Variants in TBC1D9 observed in about 807,000 individuals in gnomAD.
The protein encoded by TBC1D9 is TBC1 domain family member 9A.
TBC1D9 carries 63 observed loss-of-function variants against 132.0 expected under a neutral mutation model. The observed-to-expected ratio is 0.48, with a 90% CI of 0.39 to 0.59. The LOEUF (loss-of-function observed/expected upper bound fraction) is 0.59, where lower values mean the gene tolerates loss of function less well. TBC1D9 is among the 20% of genes least tolerant of loss of function. The pLI is 0.00. For synonymous variants in TBC1D9, 610 were observed against 609.9 expected, an observed-to-expected ratio of 1.00 and a Z score of 0.00; for missense variants, 1,261 against 1,592.7, an observed-to-expected ratio of 0.79 and a Z score of 3.54.
chr4:140,736,930 C>G lies in TBC1D9; in HGVS notation c.130+18986G>C, dbSNP rs147737654. On this transcript the variant is annotated intron_variant, in intron 1 of 20. Transcript: ENST00000442267. ...GAGTCACTTGTCAGAACTGCATGCT[C>G]TTTATCAGCAGTCTCCAATCTTTTT... is the stretch of plus-strand genomic sequence containing the variant. Among the ~76,000 whole-genome samples, 7 of 152,284 alleles carry G rather than the reference C, an allele frequency of 4.6e-5. No individual in the cohort carries two copies. The East Asian group carries it at 1.4e-3, about 29-fold the overall frequency.
At position 140,669,712 on chromosome 4, in the gene TBC1D9, G is replaced by A. The variant is rs755013894; in HGVS notation, c.1359C>T (p.Gly453=). The change falls in exon 8 of 21, where the codon GGC becomes GGT. Residue 453 remains glycine (G), a synonymous_variant. Coordinates refer to ENST00000442267, the MANE Select transcript of TBC1D9 (RefSeq NM_015130.3). Reference sequence around the variant, plus strand: ...TCTGTGTGGCTGTGGGGACGCTGTTGCCATTTAGGTTAAACTGGCGCTCTC... The same window carrying A: ...TCTGTGTGGCTGTGGGGACGCTGTTACCATTTAGGTTAAACTGGCGCTCTC... ...ADGERQFNLN[G]NSVPTATQTL... 6.8e-6 allele frequency: 11 copies of A among 1,613,850 alleles called. No homozygotes were observed. In the African/African-American group the frequency reaches 1.2e-4, roughly 18 times the overall value.
chr4:140,684,559 GT>G (rs1737752216), intron 3 of TBC1D9, among the ~76,000 whole-genome samples: 1 of 152,014 alleles, frequency 6.6e-6, no homozygotes, highest in African/African-American at 2.4e-5. Flanking sequence ...GAAAATGGCT[GT>G]TTGACATAAT....
rs146300256 is a variant in TBC1D9 at position 140,711,988 on chromosome 4, T to C, written c.131-10374A>G. On this transcript the variant is annotated intron_variant, in intron 1 of 20. Coordinates refer to ENST00000442267, the MANE Select transcript of TBC1D9 (RefSeq NM_015130.3). Reference sequence around the variant, plus strand: ...ATTTATGATGAGAAAACAAAAAATATATAATTACCTCCAACCTTTTATTTT... The same window carrying C: ...ATTTATGATGAGAAAACAAAAAATACATAATTACCTCCAACCTTTTATTTT... 3.3e-4 allele frequency among the ~76,000 whole-genome samples: 50 copies of C among 152,304 alleles called. 1 individual carries two copies. Among genetic ancestry groups the C allele is most frequent in the African/African-American group, 1.2e-3 (49 of 41,576 alleles).
intron 13 of TBC1D9, among the ~76,000 whole-genome samples, chr4:140,653,855 T>C (rs766589052): frequency 2.0e-5 from 3 of 152,210 alleles, no homozygotes; most frequent in Admixed American, 6.5e-5. Context: ...TGTCCTGTGA[T>C]AGGATGTCTG....
intron 15 of TBC1D9, among the ~76,000 whole-genome samples, chr4:140,635,580 T>C (rs756602027): frequency 6.6e-6 from 1 of 152,212 alleles, no homozygotes; most frequent in Non-Finnish European, 1.5e-5. Context: ...ATTGTGAGTA[T>C]GTTATATTTC....
chr4:140,703,725 A>C (rs1738107586), intron 1 of TBC1D9, among the ~76,000 whole-genome samples: 1 of 152,232 alleles, frequency 6.6e-6, no homozygotes, highest in South Asian at 2.1e-4. Context: ...GGAAAAAAAC[A>C]AACAAAAAAC....
At chr4:140,667,354 T>C (rs562589456) in intron 9 of TBC1D9, among the ~76,000 whole-genome samples, 2 of 152,346 alleles carry the variant, frequency 1.3e-5, no homozygotes, top group South Asian at 4.1e-4. Context: ...AGTTTCCTGG[T>C]ACTCGTTTTG....
chr4:140,660,798 G>C (rs1737344621), intron 10 of TBC1D9, among the ~76,000 whole-genome samples: 1 of 152,246 alleles, frequency 6.6e-6, no homozygotes, highest in East Asian at 1.9e-4. Flanking sequence ...TAATGCAGTA[G>C]AGGGAGACTA....
At chr4:140,643,829 C>A in intron 13 of TBC1D9, 1 of 722,506 alleles carries the variant, frequency 1.4e-6, no homozygotes, top group South Asian at 1.6e-5. Flanking sequence ...GGGCCTCCAA[C>A]GGGCCACCTC....
intron 2 of TBC1D9, among the ~76,000 whole-genome samples, chr4:140,688,761 T>C (rs998807687): frequency 6.6e-6 from 1 of 152,176 alleles, no homozygotes; most frequent in African/African-American, 2.4e-5. Flanking sequence ...TGTCGACACA[T>C]TGTGGACAGC....
chr4:140,646,097 G>C (rs1737099752), intron 13 of TBC1D9, among the ~76,000 whole-genome samples: 1 of 152,212 alleles, frequency 6.6e-6, no homozygotes. Flanking sequence ...CGAGGACAGT[G>C]CTGATTCACA....
At chr4:140,640,876 C>CATATATATATATGTGTGTGTGT (rs148362485) in intron 13 of TBC1D9, among the ~76,000 whole-genome samples, 3 of 151,274 alleles carry the variant, frequency 2.0e-5, no homozygotes, top group African/African-American at 7.3e-5. Context: ...CCCCAAGAAG[C>CATATATATATATGTGTGTGTGT]ATATACATAT....
chr4:140,721,377 A>G (rs1738421211), intron 1 of TBC1D9, among the ~76,000 whole-genome samples: 1 of 152,216 alleles, frequency 6.6e-6, no homozygotes, highest in Non-Finnish European at 1.5e-5. Flanking sequence ...ATCCTAAGAC[A>G]TACATGCAAT....
chr4:140,642,224 G>T, intron 13 of TBC1D9: 1 of 729,880 alleles, frequency 1.4e-6, no homozygotes, highest in Non-Finnish European at 2.5e-6. Context: ...TCTCCTTCAG[G>T]AATTCTTCGT....
chr4:140,756,017 A>G lies in TBC1D9; in HGVS notation c.29T>C (p.Leu10Pro). The G allele has an allele frequency of 1.2e-6, 2 of 1,609,408 alleles. No individual in the cohort carries two copies. Among genetic ancestry groups the G allele is most frequent in the Non-Finnish European group, 1.7e-6 (2 of 1,177,592 alleles). MWVNPEEVL[L>P]ANALWITERA... Reference sequence around the variant, plus strand: ...CTCGGTGATCCACAGCGCGTTGGCCAGCAACACCTCCTCCGGGTTCACCCA... The same window carrying G: ...CTCGGTGATCCACAGCGCGTTGGCCGGCAACACCTCCTCCGGGTTCACCCA... The change falls in exon 1 of 21, where the codon CTG (leucine) becomes CCG (proline). Residue 10 changes from leucine (L) to proline (P), a missense_variant. Physicochemically the swap from Leu to Pro is moderately conservative, Grantham distance 98. This residue lies in a region of TBC1D9 where 550 missense variants were observed against 699.0 expected (regional missense o/e 0.79). Transcript: ENST00000442267. This position sits in a 1 kb window ranked among gnomAD's most constrained non-coding sequence, Gnocchi z 5.6.
In TBC1D9 at chr4:140,622,010, C is replaced by G. The variant is rs982085033; in HGVS notation, c.*185G>C. 2.6e-6 allele frequency: 2 copies of G among 774,928 alleles called. No homozygotes were observed. The highest frequency in any genetic ancestry group is 3.5e-5 in the African/African-American group (2 of 57,302). The allele number at this position is 774,928 out of a possible 1,614,324, so 48.0% of individuals were successfully genotyped here. A position where few individuals can be genotyped will look rare whatever the true frequency, so the allele number is the denominator to read the frequency against. ...TCCCCGCAACAAGAGTGTAATGTAC[C>G]TACATTGAGGTGTTTAAATATTTCT... On this transcript the variant is annotated 3_prime_UTR_variant, in exon 21 of 21. Coordinates refer to ENST00000442267, the MANE Select transcript of TBC1D9 (RefSeq NM_015130.3).
chr4:140,698,290 T>C (rs931853784), intron 2 of TBC1D9, among the ~76,000 whole-genome samples: 3 of 152,090 alleles, frequency 2.0e-5, no homozygotes, highest in Admixed American at 2.0e-4. Context: ...TCCTCTTCCT[T>C]AATCCTTTAT....
At chr4:140,724,026 AGC>A (rs1232004091) in intron 1 of TBC1D9, among the ~76,000 whole-genome samples, 19 of 152,330 alleles carry the variant, frequency 1.2e-4, no homozygotes, top group East Asian at 1.2e-3. Context: ...TACAGGTGTG[AGC>A]CAGCCAAAAA....
chr4:140,677,916 T>A (rs1386754767), intron 5 of TBC1D9, among the ~76,000 whole-genome samples: 1 of 152,134 alleles, frequency 6.6e-6, no homozygotes, highest in Non-Finnish European at 1.5e-5. Flanking sequence ...AACTTTCTTA[T>A]AACTATCTCT....
Sources: allele counts gnomAD v4.1 joint callset (sites outside exome capture counted in the v4.1 genomes callset), GRCh38; gene constraint gnomAD v4.1.1; regional missense constraint gnomAD v4.1.1; non-coding constraint Gnocchi (gnomAD v3.1); transcripts MANE v1.5; gene names NCBI Gene and HGNC (gene_info 2026-07-23, HGNC 2026-07-21).